Variants in SLC6A16 observed in about 807,000 individuals in gnomAD.
The protein encoded by SLC6A16 is solute carrier family 6 member 16.
SLC6A16 carries 54 observed loss-of-function variants against 65.4 expected under a neutral mutation model. That is an observed-to-expected ratio of 0.83 (90% CI 0.66 to 1.04). The LOEUF (loss-of-function observed/expected upper bound fraction) is 1.04, where lower values mean the gene tolerates loss of function less well. Ranked by LOEUF, SLC6A16 falls within the 50% of genes least tolerant of loss-of-function variation. The pLI is 0.00. For synonymous variants in SLC6A16, 330 were observed against 346.5 expected (o/e 0.95, Z 0.53); for missense variants, 816 against 914.0 (o/e 0.89, Z 1.38).
At chr19:49,298,785 G>C (rs932829513) in intron 7 of SLC6A16, among the ~76,000 whole-genome samples, 12 of 152,110 alleles carry the variant, frequency 7.9e-5, no homozygotes, top group African/African-American at 2.9e-4. Context: ...ATTCACAATA[G>C]CAAAGACATG....
At chr19:49,327,079 AT>A (rs200482962), upstream of SLC6A16, among the ~76,000 whole-genome samples, 215 of 144,900 alleles carry the variant, frequency 1.5e-3, no homozygotes, top group Admixed American at 1.7e-3. Context: ...TTTCTATCGA[AT>A]TTTTTTTTTT....
At chr19:49,338,914 CAG>C in the SLC6A16 span, 3 of 1,613,670 alleles carry the variant, frequency 1.9e-6, no homozygotes, top group Non-Finnish European at 2.5e-6. This position sits in a 1 kb window ranked among gnomAD's most constrained non-coding sequence, Gnocchi z 5.0. Flanking sequence ...GCTGTCCCTG[CAG>C]AGAGCCACAT....
the SLC6A16 span, among the ~76,000 whole-genome samples, chr19:49,338,358 G>A: frequency 7.1e-6 from 1 of 141,438 alleles, no homozygotes; most frequent in Admixed American, 7.4e-5. The surrounding 1 kb of genome is among the most constrained non-coding windows in gnomAD (Gnocchi z 5.0). Flanking sequence ...GGCTTCCACC[G>A]GACCCCGCCC....
chr19:49,337,715 A>C, the SLC6A16 span: 1 of 1,534,472 alleles, frequency 6.5e-7, no homozygotes, highest in Non-Finnish European at 8.7e-7. Flanking sequence ...AGAAAGAAAT[A>C]GACGCCCTGA....
At position 49,309,113 on chromosome 19, in the gene SLC6A16, G is replaced by A. The variant is rs751710599; in HGVS notation, c.992C>T (p.Ser331Leu). Residue 331 changes from serine (S) to leucine (L), a missense_variant, in exon 7 of 12, where the codon TCG becomes TTG. Physicochemically the swap from Ser to Leu is moderately radical, Grantham distance 145. Transcript: ENST00000335875. The stretch of plus-strand genomic sequence containing the variant: ...CCACACACTCATATTGTACACATCC[G>A]ATATCTAAAAGAGAGAAGACAAGCA... The part of the protein sequence containing the change: ...GLQQLVVAKI[S>L]DVYNMSVWSL... The A allele has an allele frequency of 5.8e-5, 93 of 1,613,872 alleles. No homozygotes were observed. The highest frequency in any genetic ancestry group is 1.1e-4 in the East Asian group (5 of 44,890).
the SLC6A16 span, among the ~76,000 whole-genome samples, chr19:49,333,502 G>A: frequency 3.9e-5 from 6 of 152,338 alleles, no homozygotes; most frequent in South Asian, 1.0e-3. Context: ...GCTGAGGGAT[G>A]AGGCAGGTGG....
chr19:49,311,915 C>T (rs1340870250), intron 1 of SLC6A16, among the ~76,000 whole-genome samples: 1 of 150,766 alleles, frequency 6.6e-6, no homozygotes, highest in Non-Finnish European at 1.5e-5. Context: ...CAGACATACC[C>T]AAGAGTCAGG....
chr19:49,331,046 G>A, the SLC6A16 span, among the ~76,000 whole-genome samples: 4 of 152,082 alleles, frequency 2.6e-5, no homozygotes, highest in Non-Finnish European at 4.4e-5. Flanking sequence ...AAACTTGGTG[G>A]CTTAAAGCAA....
chr19:49,338,934 G>A, the SLC6A16 span: 6 of 1,611,206 alleles, frequency 3.7e-6, no homozygotes, highest in Non-Finnish European at 5.1e-6. The surrounding 1 kb of genome is among the most constrained non-coding windows in gnomAD (Gnocchi z 5.0). Context: ...CATCTACCGC[G>A]AGGTGGGCAG....
rs573299932 is a variant in SLC6A16, at chr19:49,292,253, G to A, written c.1778+970C>T. On this transcript the variant is annotated intron_variant, in intron 10 of 11. Coordinates refer to ENST00000335875, the MANE Select transcript of SLC6A16 (RefSeq NM_014037.3). The surrounding 1 kb of genome is among the most constrained non-coding windows in gnomAD (Gnocchi z 4.3). ...GTGGTGGTGAATGCCTGTAATCCCA[G>A]CTACTCAGAAGGCTGAGGGAGGAGA... 6.6e-6 allele frequency among the ~76,000 whole-genome samples: 1 copy of A among 152,164 alleles called. No homozygotes were observed. Among genetic ancestry groups the A allele is most frequent in the South Asian group, 2.1e-4 (1 of 4,832 alleles).
upstream of SLC6A16, among the ~76,000 whole-genome samples, chr19:49,327,446 AAAG>A (rs1970810959): frequency 6.6e-6 from 1 of 152,202 alleles, no homozygotes; most frequent in Non-Finnish European, 1.5e-5. Flanking sequence ...GTTGAGGCTT[AAAG>A]GATTATTTGC....
intron 1 of SLC6A16, among the ~76,000 whole-genome samples, chr19:49,317,703 G>A (rs1005377785): frequency 6.6e-6 from 1 of 151,976 alleles, no homozygotes; most frequent in Non-Finnish European, 1.5e-5. Flanking sequence ...CTACTCGGGA[G>A]GCTGTGGCAG....
rs541026257 is a variant in SLC6A16, at chr19:49,296,753, C to T, written c.1230-2200G>A. On this transcript the variant is annotated intron_variant, in intron 7 of 11. Transcript: ENST00000335875. The stretch of plus-strand genomic sequence containing the variant: ...CCTGTAATCCCAGCACTTTTGGAGG[C>T]TGAGGCGGGCAGATCACTTGAGGTC... 1.1e-4 allele frequency among the ~76,000 whole-genome samples: 17 copies of T among 152,304 alleles called. 1 individual carries two copies. In the East Asian group the frequency reaches 3.3e-3, roughly 29 times the overall value.
intron 8 of SLC6A16, 83 bp from the exon 9 acceptor site, chr19:49,294,111 C>T (rs1970136665): frequency 8.2e-7 from 1 of 1,214,004 alleles, no homozygotes; most frequent in East Asian, 2.4e-5. Context: ...ATTCTATCTT[C>T]CCTGGAAAAC....
the SLC6A16 span, chr19:49,338,179 A>G: frequency 6.9e-7 from 1 of 1,444,302 alleles, no homozygotes. The surrounding 1 kb of genome is among the most constrained non-coding windows in gnomAD (Gnocchi z 5.0). Flanking sequence ...CACTCCCCAG[A>G]TGACACAACT....
At chr19:49,308,465 T>A (rs1264937331) in intron 7 of SLC6A16, among the ~76,000 whole-genome samples, 1 of 151,972 alleles carries the variant, frequency 6.6e-6, no homozygotes, top group East Asian at 1.9e-4. Flanking sequence ...AAAATAAAAA[T>A]AAAATAAAAT....
chr19:49,300,318 A>G (rs1375912063), intron 7 of SLC6A16, among the ~76,000 whole-genome samples: 3 of 152,134 alleles, frequency 2.0e-5, no homozygotes, highest in Non-Finnish European at 4.4e-5. Context: ...AGCCTGGGTG[A>G]CAAAGTAAGA....
At chr19:49,332,372 T>C in the SLC6A16 span, 2 of 439,258 alleles carry the variant, frequency 4.6e-6, no homozygotes, top group East Asian at 7.1e-5. Flanking sequence ...CTGGCCAAGA[T>C]GGTGAAACCC....
At chr19:49,315,774 C>T (rs1020540109) in intron 1 of SLC6A16, among the ~76,000 whole-genome samples, 1 of 146,332 alleles carries the variant, frequency 6.8e-6, no homozygotes, top group African/African-American at 2.5e-5. Flanking sequence ...AATAATTTCC[C>T]TAACCTGATA....
Sources: allele counts gnomAD v4.1 joint callset (sites outside exome capture counted in the v4.1 genomes callset), GRCh38; gene constraint gnomAD v4.1.1; non-coding constraint Gnocchi (gnomAD v3.1); transcripts MANE v1.5; gene names NCBI Gene and HGNC (gene_info 2026-07-23, HGNC 2026-07-21).